EIF4G3: variants seen among roughly 807,000 people sequenced by gnomAD.
The protein encoded by EIF4G3 is eIF-4-gamma 3.
A neutral mutation model predicts 186.4 loss-of-function variants in EIF4G3; 34 were observed. The observed-to-expected ratio is 0.18, with a 90% CI of 0.14 to 0.24. The LOEUF is 0.24. Among genes scored for constraint, EIF4G3 ranks in the 10% least tolerant of loss-of-function variants. The probability of loss-of-function intolerance (pLI) is 1.00; values close to 1 mark genes in which losing one functional copy is unlikely to be tolerated. For missense variants in EIF4G3, 1,536 were observed against 1,948.5 expected (o/e 0.79, Z 3.99); for synonymous variants, 673 against 679.5 (o/e 0.99, Z 0.15).
chr1:21,110,157 T>A (rs997112889), intron 2 of EIF4G3, among the ~76,000 whole-genome samples: 11 of 152,356 alleles, frequency 7.2e-5, no homozygotes, highest in African/African-American at 2.6e-4. Flanking sequence ...GGATAACTTC[T>A]ATATTTTTTT....
intron 2 of EIF4G3, among the ~76,000 whole-genome samples, chr1:21,156,736 A>G (rs1309242338): frequency 3.3e-5 from 5 of 151,810 alleles, no homozygotes; most frequent in Non-Finnish European, 5.9e-5. Flanking sequence ...TTTCCTTTTC[A>G]TTTCCCTCTA....
At position 20,807,342 on chromosome 1, in the gene EIF4G3, C is replaced by G; in HGVS notation, c.4903G>C (p.Glu1635Gln). The change falls in exon 37 of 37, where the codon GAA becomes CAA. Residue 1635 changes from glutamate (E) to glutamine (Q), a missense_variant. Transcript: ENST00000602326. The stretch of plus-strand genomic sequence containing the variant: ...TTTTAGTTATCCTCAGACTCCTCTT[C>G]TGCTTCCCGCAGCCACGTGAAGAAT... ...TAFFTWLREA[E>Q]EESEDN The G allele has an allele frequency of 6.2e-7, 1 of 1,605,388 alleles. No homozygotes were observed. The highest frequency in any genetic ancestry group is 8.5e-7 in the Non-Finnish European group (1 of 1,173,930).
intron 10 of EIF4G3, among the ~76,000 whole-genome samples, chr1:20,977,126 T>A (rs2077016138): frequency 6.6e-6 from 1 of 152,074 alleles, no homozygotes. Flanking sequence ...TAAATGTTAT[T>A]GCTTTAAAGG....
chr1:21,124,891 A>C (rs1043860687), intron 2 of EIF4G3, among the ~76,000 whole-genome samples: 1 of 152,196 alleles, frequency 6.6e-6, no homozygotes. Context: ...TTTCCATCAT[A>C]ATTTTCTGTT....
chr1:20,834,842 G>T (rs978384079), intron 30 of EIF4G3, among the ~76,000 whole-genome samples: 7 of 152,156 alleles, frequency 4.6e-5, no homozygotes, highest in Non-Finnish European at 7.4e-5. Flanking sequence ...CAGAAAATCA[G>T]TAAGGAAACA....
chr1:21,073,172 T>G (rs1375872660), intron 3 of EIF4G3, among the ~76,000 whole-genome samples: 1 of 152,158 alleles, frequency 6.6e-6, no homozygotes, highest in African/African-American at 2.4e-5. Flanking sequence ...TTTTCATGAT[T>G]TAAATATTAT....
At chr1:21,111,943 G>T (rs1335351966) in intron 2 of EIF4G3, among the ~76,000 whole-genome samples, 1 of 152,166 alleles carries the variant, frequency 6.6e-6, no homozygotes, top group East Asian at 1.9e-4. Context: ...TAGATGACTA[G>T]TGTCATTAGC....
At chr1:20,979,875 C>T (rs1349209733) in intron 10 of EIF4G3, among the ~76,000 whole-genome samples, 2 of 151,966 alleles carry the variant, frequency 1.3e-5, no homozygotes, top group African/African-American at 2.4e-5. Flanking sequence ...CTCAGCCTCC[C>T]GAATATCTGG....
chr1:21,149,732 C>CA (rs1171674365), intron 2 of EIF4G3, among the ~76,000 whole-genome samples: 15 of 152,342 alleles, frequency 9.8e-5, no homozygotes, highest in Admixed American at 8.5e-4. Context: ...ATTCCTCACA[C>CA]AAGCTGCACG....
At chr1:21,120,619 C>CAAA (rs67743322) in intron 2 of EIF4G3, among the ~76,000 whole-genome samples, 5 of 74,186 alleles carry the variant, frequency 6.7e-5, no homozygotes, top group Admixed American at 1.5e-4. Context: ...GACTCCATCT[C>CAAA]AAAAAAAAAA....
chr1:20,964,648 G>A (rs913013627), intron 12 of EIF4G3, among the ~76,000 whole-genome samples: 2 of 151,988 alleles, frequency 1.3e-5, no homozygotes, highest in African/African-American at 2.4e-5. Context: ...TTGCTCCCTC[G>A]GCATCCACTT....
intron 11 of EIF4G3, among the ~76,000 whole-genome samples, chr1:20,970,292 G>C (rs543721616): frequency 6.6e-5 from 10 of 152,262 alleles, no homozygotes; most frequent in Non-Finnish European, 1.3e-4. Context: ...CTGGAAAAAG[G>C]TTGATCGAGA....
chr1:21,033,331 T>C (rs2092903270), intron 4 of EIF4G3, among the ~76,000 whole-genome samples: 1 of 152,164 alleles, frequency 6.6e-6, no homozygotes, highest in East Asian at 1.9e-4. Flanking sequence ...TAACATCTGG[T>C]TTTCAGTAAT....
intron 2 of EIF4G3, among the ~76,000 whole-genome samples, chr1:21,117,736 T>TAAAAAAAAAAAAAAAAAAAAAAAAAAAAA (rs71014156): frequency 1.4e-4 from 10 of 73,088 alleles, no homozygotes; most frequent in East Asian, 5.7e-4. Flanking sequence ...CAGTATATAG[T>TAAAAAAAAAAAAAAAAAAAAAAAAAAAAA]AAAAAAAAAA....
At chr1:20,914,010 G>C (rs569095121) in intron 14 of EIF4G3, among the ~76,000 whole-genome samples, 2 of 151,408 alleles carry the variant, frequency 1.3e-5, no homozygotes, top group Non-Finnish European at 2.9e-5. Context: ...GGGTTTCACC[G>C]TGTTAGCCAG....
chr1:20,902,713 T>G (rs998214579), intron 15 of EIF4G3, among the ~76,000 whole-genome samples: 9 of 152,214 alleles, frequency 5.9e-5, no homozygotes, highest in African/African-American at 2.2e-4. Flanking sequence ...CAATCTTGGC[T>G]CATTGCAACC....
chr1:20,977,977 C>T (rs1249234835), intron 10 of EIF4G3, among the ~76,000 whole-genome samples: 3 of 152,126 alleles, frequency 2.0e-5, no homozygotes, highest in Admixed American at 1.3e-4. Context: ...TTCAGTAAGA[C>T]ATCTTTAAAA....
At chr1:20,893,969 C>G (rs2154555854) in intron 17 of EIF4G3, among the ~76,000 whole-genome samples, 1 of 150,364 alleles carries the variant, frequency 6.7e-6, no homozygotes, top group African/African-American at 2.5e-5. Context: ...ATACTAGGGT[C>G]AAATTTTAGA....
rs34182850 is a variant in EIF4G3 at position 21,155,262 on chromosome 1, CAA to C, written c.-272+20911_-272+20912del. On this transcript the variant is annotated intron_variant, in intron 2 of 36. Transcript: ENST00000602326. ...TGGGAGACAGTGCGAGACTCTGTCT[CAA>C]AAAAAAAAAAAAAAAAAAAAAAGAA... 2.3e-4 allele frequency among the ~76,000 whole-genome samples: 10 copies of C among 43,320 alleles called. No homozygotes were observed. In the South Asian group the frequency reaches 9.6e-3, roughly 42 times the overall value. 28.4% of individuals were successfully genotyped at this position (43,320 alleles called of 152,430 possible). A position where few individuals can be genotyped will look rare whatever the true frequency, so the allele number is the denominator to read the frequency against.
Sources: allele counts gnomAD v4.1 joint callset (sites outside exome capture counted in the v4.1 genomes callset), GRCh38; gene constraint gnomAD v4.1.1; transcripts MANE v1.5; gene names NCBI Gene and HGNC (gene_info 2026-07-23, HGNC 2026-07-21).